The following DRICH1 variants were observed in gnomAD, a reference collection of about 807,000 sequenced individuals.
DRICH1 encodes aspartate-rich protein 1.
A neutral mutation model predicts 39.5 loss-of-function variants in DRICH1; 38 were observed. The ratio of observed to expected loss-of-function variants is 0.96; its 90% CI spans 0.74 to 1.26. DRICH1 has a LOEUF of 1.26. DRICH1 is among the 50% of genes most tolerant of loss of function. The pLI is 0.00. For synonymous variants in DRICH1, 84 were observed against 99.5 expected, an observed-to-expected ratio of 0.84 and a Z score of 0.93; for missense variants, 279 against 270.4, an observed-to-expected ratio of 1.03 and a Z score of -0.22.
the DRICH1 span, among the ~76,000 whole-genome samples, chr22:23,587,863 C>A: frequency 1.3e-5 from 2 of 152,184 alleles, no homozygotes; most frequent in Admixed American, 1.3e-4. Flanking sequence ...TTAATTGCGT[C>A]TGCACTGCAC....
intron 1 of DRICH1, among the ~76,000 whole-genome samples, chr22:23,628,797 G>A (rs1928225058): frequency 6.6e-6 from 1 of 152,180 alleles, no homozygotes. Flanking sequence ...GTGGGGACCT[G>A]ATTCCTGCTC....
intron 4 of DRICH1, among the ~76,000 whole-genome samples, chr22:23,621,179 C>T (rs1927703673): frequency 6.6e-6 from 1 of 152,018 alleles, no homozygotes. Flanking sequence ...ATGCTGGGCT[C>T]CTGCTTGGAT....
At chr22:23,607,211 C>G (rs1045501206), downstream of DRICH1, 1 of 152,650 alleles carries the variant, frequency 6.6e-6, no homozygotes, top group South Asian at 2.1e-4. Flanking sequence ...AGGAGAAGCA[C>G]TGGTGACGAT....
intron 11 of DRICH1, among the ~76,000 whole-genome samples, chr22:23,609,816 T>A (rs1363659600): frequency 1.3e-5 from 2 of 152,164 alleles, no homozygotes; most frequent in East Asian, 3.8e-4. Context: ...GAATACTCCT[T>A]TTCTGACCCC....
At chr22:23,614,248 G>T (rs759460011) in intron 8 of DRICH1, 34 bp from the exon 9 acceptor site, 1 of 1,520,336 alleles carries the variant, frequency 6.6e-7, no homozygotes, top group South Asian at 1.1e-5. Flanking sequence ...CAGTGCACCG[G>T]TGGTTGGTGA....
At chr22:23,631,517 T>C (rs1256081462) in intron 1 of DRICH1, among the ~76,000 whole-genome samples, 4 of 152,184 alleles carry the variant, frequency 2.6e-5, no homozygotes, top group Non-Finnish European at 4.4e-5. Context: ...AGCTGGTTCC[T>C]TCATTTAGGT....
chr22:23,602,401 G>A, the DRICH1 span, among the ~76,000 whole-genome samples: 1 of 148,156 alleles, frequency 6.7e-6, no homozygotes, highest in African/African-American at 2.5e-5. Context: ...AGCACTGTGG[G>A]AGGCTGAGAG....
chr22:23,589,386 G>A, the DRICH1 span, among the ~76,000 whole-genome samples: 1 of 151,948 alleles, frequency 6.6e-6, no homozygotes, highest in African/African-American at 2.4e-5. Flanking sequence ...AAGAGCTCGA[G>A]GCTGCAGTGA....
At chr22:23,624,282 G>A (rs559914324) in intron 3 of DRICH1, 3 of 985,322 alleles carry the variant, frequency 3.0e-6, no homozygotes, top group Non-Finnish European at 3.6e-6. Context: ...AGATTTTGCA[G>A]TGGCACAGGC....
Position 23,618,514 on chromosome 22 carries a change from G to C in DRICH1, c.436+850C>G, listed in dbSNP as rs150797740. On this transcript the variant is annotated intron_variant, in intron 6 of 11. Transcript: ENST00000317749. ...TTTCCTCTTTGTAAGTCTTCTTCTG[G>C]AACCATGGTGTGTGAACACAAACTT... is the stretch of plus-strand genomic sequence containing the variant. Among the ~76,000 whole-genome samples, 184 of 151,998 alleles carry C rather than the reference G, an allele frequency of 1.2e-3. 4 individuals carry two copies. The East Asian group carries it at 0.018, about 15-fold the overall frequency.
the DRICH1 span, among the ~76,000 whole-genome samples, chr22:23,584,810 T>A: frequency 6.6e-6 from 1 of 152,224 alleles, no homozygotes; most frequent in Non-Finnish European, 1.5e-5. Context: ...AACAGTCTTT[T>A]TTTTGAGACA....
At chr22:23,601,166 A>ACG in the DRICH1 span, among the ~76,000 whole-genome samples, 1 of 152,138 alleles carries the variant, frequency 6.6e-6, no homozygotes. Flanking sequence ...ACACACACAC[A>ACG]CACACACACA....
chr22:23,584,168 C>T, the DRICH1 span, among the ~76,000 whole-genome samples: 5 of 151,896 alleles, frequency 3.3e-5, no homozygotes, highest in Admixed American at 3.3e-4. Context: ...GCTCACCTCA[C>T]CCCTTCCTGG....
rs1432359158 is a variant in DRICH1, at chr22:23,632,120, T to C, written c.-97A>G. 1 of 1,545,822 alleles carries C rather than the reference T, an allele frequency of 6.5e-7. No individual in the cohort carries two copies. The highest frequency in any genetic ancestry group is 8.7e-7 in the Non-Finnish European group (1 of 1,144,130). ...ACACTACTGAGGGTGGCCCTGCACTTTTAGAAGCAGCCTGACCCCAGGCAG... is the reference window on the plus strand; with the variant it reads ...ACACTACTGAGGGTGGCCCTGCACTCTTAGAAGCAGCCTGACCCCAGGCAG... On this transcript the variant is annotated 5_prime_UTR_variant, in exon 1 of 12. Transcript: ENST00000317749.
chr22:23,626,041 A>C lies in DRICH1; in HGVS notation c.216T>G (p.Pro72=). 6.2e-7 allele frequency: 1 copy of C among 1,611,930 alleles called. No homozygotes were observed. The highest frequency in any genetic ancestry group is 1.1e-5 in the South Asian group (1 of 90,822). The change falls in exon 2 of 12, where the codon CCT becomes CCG. Residue 72 remains proline (P), a synonymous_variant. Transcript: ENST00000317749. ...ISNQKMPTGP[P]EDRLSLKFLP... is the part of the protein sequence containing the mutation. The stretch of plus-strand genomic sequence containing the variant: ...GAAATTTTAAACTCAGGCGGTCCTC[A>C]GGGGGACCTAAAAGGACACAGAGTT...
upstream of DRICH1, chr22:23,632,329 G>C: frequency 5.0e-6 from 2 of 401,960 alleles, no homozygotes; most frequent in Non-Finnish European, 9.2e-6. Flanking sequence ...ACTGAGGGCT[G>C]CTGGCCCTGG....
chr22:23,626,041 AGGG>A lies in DRICH1; in HGVS notation c.213_215del (p.Pro72del). On this transcript the variant is annotated inframe_deletion, in exon 2 of 12. Coordinates refer to ENST00000317749, the MANE Select transcript of DRICH1 (RefSeq NM_016449.4). ...GAAATTTTAAACTCAGGCGGTCCTCAGGGGGACCTAAAAGGACACAGAGTTAAT... is the reference window on the plus strand; with the variant it reads ...GAAATTTTAAACTCAGGCGGTCCTCAGGACCTAAAAGGACACAGAGTTAAT... The A allele has an allele frequency of 1.2e-6, 2 of 1,611,930 alleles. No individual in the cohort carries two copies. The highest frequency in any genetic ancestry group is 8.5e-7 in the Non-Finnish European group (1 of 1,178,398).
the DRICH1 span, chr22:23,583,079 C>T: frequency 2.6e-5 from 4 of 152,308 alleles, no homozygotes; most frequent in East Asian, 1.9e-4. Flanking sequence ...AGCTGGAGAG[C>T]GAACTGTTCA....
At chr22:23,626,178 T>C in intron 1 of DRICH1, 130 bp from the exon 2 acceptor site, 3 of 665,086 alleles carry the variant, frequency 4.5e-6, no homozygotes, top group South Asian at 1.8e-5. Context: ...GAAACAACTG[T>C]GTTCAAGTAG....
Sources: gnomAD v4.1 joint callset for allele counts (sites outside exome capture counted in the v4.1 genomes callset) on GRCh38, gnomAD v4.1.1 for gene constraint, MANE v1.5 for transcripts, NCBI Gene and HGNC (gene_info 2026-07-23, HGNC 2026-07-21) for gene names.